The following GRID2 variants were observed in gnomAD, a reference collection of about 807,000 sequenced individuals.
The protein encoded by GRID2 is glutamate receptor ionotropic, delta-2.
A neutral mutation model predicts 114.8 loss-of-function variants in GRID2; 33 were observed. The observed-to-expected ratio is 0.29, with a 90% CI of 0.22 to 0.38. The LOEUF is 0.38. Among genes scored for constraint, GRID2 ranks in the 10% least tolerant of loss-of-function variants. The pLI is 1.00. For missense variants in GRID2, 1,184 were observed against 1,257.7 expected (o/e 0.94, Z 0.89); for synonymous variants, 505 against 449.9 (o/e 1.12, Z -1.55).
At chr4:93,201,032 AAG>A (rs1301477718) in intron 4 of GRID2, among the ~76,000 whole-genome samples, 1 of 152,200 alleles carries the variant, frequency 6.6e-6, no homozygotes, top group Non-Finnish European at 1.5e-5. Flanking sequence ...ACTGACAAAA[AAG>A]GAAACAGGTT....
At chr4:92,997,096 A>G (rs940955257) in intron 2 of GRID2, among the ~76,000 whole-genome samples, 12 of 152,228 alleles carry the variant, frequency 7.9e-5, no homozygotes, top group African/African-American at 2.9e-4. Context: ...TAATATTTCT[A>G]TATTCACTTC....
chr4:93,526,182 A>T (rs1388284669), intron 13 of GRID2, among the ~76,000 whole-genome samples: 1 of 152,152 alleles, frequency 6.6e-6, no homozygotes, highest in Non-Finnish European at 1.5e-5. Context: ...CTGTTCTCAC[A>T]ATAGTGAGTG....
At chr4:93,805,588 A>G (rs1735012852) in intron 1 of GRID2, among the ~76,000 whole-genome samples, 1 of 152,226 alleles carries the variant, frequency 6.6e-6, no homozygotes, top group Non-Finnish European at 1.5e-5. Context: ...AAAGATTTTG[A>G]TAAACATGAA....
intron 13 of GRID2, among the ~76,000 whole-genome samples, chr4:93,614,256 A>G (rs1578400627): frequency 2.6e-5 from 4 of 152,250 alleles, no homozygotes; most frequent in Admixed American, 2.6e-4. Context: ...ATGGAAATGC[A>G]GAAATCACCC....
intron 1 of GRID2, among the ~76,000 whole-genome samples, chr4:92,373,755 G>T (rs1343292170): frequency 6.6e-6 from 1 of 152,050 alleles, no homozygotes; most frequent in African/African-American, 2.4e-5. Context: ...TTACTTATAT[G>T]TCAGTTATAC....
At chr4:93,402,680 G>A (rs1766013602) in intron 9 of GRID2, among the ~76,000 whole-genome samples, 1 of 151,954 alleles carries the variant, frequency 6.6e-6, no homozygotes, top group Non-Finnish European at 1.5e-5. Flanking sequence ...GTACTTCCTA[G>A]AGGAAAAATG....
intron 10 of GRID2, among the ~76,000 whole-genome samples, chr4:93,444,258 G>A (rs1192169291): frequency 6.6e-6 from 1 of 151,890 alleles, no homozygotes; most frequent in Non-Finnish European, 1.5e-5. Context: ...ATAAAAGCTG[G>A]TTCAGAGACT....
intron 4 of GRID2, among the ~76,000 whole-genome samples, chr4:93,163,343 ATT>A (rs201428577): frequency 2.0e-4 from 21 of 102,484 alleles, no homozygotes; most frequent in African/African-American, 4.9e-4. Flanking sequence ...TCCACTTCTG[ATT>A]TTTTTTTTGT....
chr4:93,184,761 A>G (rs1355574872), intron 4 of GRID2, among the ~76,000 whole-genome samples: 1 of 152,156 alleles, frequency 6.6e-6, no homozygotes, highest in Non-Finnish European at 1.5e-5. Context: ...GTGTGCCTGT[A>G]ATCGCAGATA....
chr4:92,536,979 T>C (rs1197394448), intron 1 of GRID2, among the ~76,000 whole-genome samples: 1 of 152,162 alleles, frequency 6.6e-6, no homozygotes, highest in African/African-American at 2.4e-5. Flanking sequence ...AACAGTAGAA[T>C]TGTAAATACT....
chr4:92,313,079 A>ATGTGTGTG (rs1491266096), intron 1 of GRID2, among the ~76,000 whole-genome samples: 2 of 105,364 alleles, frequency 1.9e-5, no homozygotes, highest in African/African-American at 4.0e-5. Flanking sequence ...AGAAACTCTG[A>ATGTGTGTG]TATGTGTGTG....
At chr4:93,540,802 A>T (rs992663612) in intron 13 of GRID2, among the ~76,000 whole-genome samples, 18 of 152,182 alleles carry the variant, frequency 1.2e-4, no homozygotes, top group Non-Finnish European at 2.2e-4. Context: ...GAAAATAACA[A>T]GAGCTCCTTT....
chr4:93,123,130 T>C (rs1733949693), intron 4 of GRID2, among the ~76,000 whole-genome samples: 1 of 151,952 alleles, frequency 6.6e-6, no homozygotes, highest in Non-Finnish European at 1.5e-5. Context: ...AAATTACCGC[T>C]CTTGTGACCA....
chr4:93,055,336 AT>A (rs1328541409), intron 2 of GRID2, among the ~76,000 whole-genome samples: 1 of 151,786 alleles, frequency 6.6e-6, no homozygotes, highest in African/African-American at 2.4e-5. Context: ...TTTCCACACT[AT>A]TATGTTTCAT....
chr4:93,553,368 A>C (rs1278599809), intron 13 of GRID2, among the ~76,000 whole-genome samples: 3 of 152,068 alleles, frequency 2.0e-5, no homozygotes, highest in Non-Finnish European at 2.9e-5. Flanking sequence ...ATTTGGATTA[A>C]CTGTGTTTTT....
At chr4:92,910,385 T>A (rs1195366493) in intron 2 of GRID2, among the ~76,000 whole-genome samples, 1 of 152,104 alleles carries the variant, frequency 6.6e-6, no homozygotes, top group Non-Finnish European at 1.5e-5. Context: ...AGGATTACGA[T>A]GTCTGTGGAG....
At chr4:92,808,291 C>T (rs937945153) in intron 2 of GRID2, among the ~76,000 whole-genome samples, 1 of 151,878 alleles carries the variant, frequency 6.6e-6, no homozygotes, top group African/African-American at 2.4e-5. Context: ...ATAATGTATT[C>T]GTGTTGAGGT....
intron 1 of GRID2, among the ~76,000 whole-genome samples, chr4:92,446,426 G>A (rs964509742): frequency 6.6e-6 from 1 of 152,228 alleles, no homozygotes; most frequent in Non-Finnish European, 1.5e-5. Context: ...AGAGCAGAAA[G>A]TGTTAAGTGT....
intron 14 of GRID2, among the ~76,000 whole-genome samples, chr4:93,716,749 C>A (rs963119646): frequency 6.6e-6 from 1 of 152,024 alleles, no homozygotes; most frequent in Admixed American, 6.6e-5. Flanking sequence ...TAATACTAGT[C>A]ATTCTAGCAT....
Sources: allele counts gnomAD v4.1 joint callset (sites outside exome capture counted in the v4.1 genomes callset), GRCh38; gene constraint gnomAD v4.1.1; transcripts MANE v1.5; gene names NCBI Gene and HGNC (gene_info 2026-07-23, HGNC 2026-07-21).